Variants in EBF2 observed in about 807,000 individuals in gnomAD.
EBF2 encodes transcription factor COE2.
In EBF2, 21 loss-of-function variants were observed where a neutral mutation model predicts 72.8. The ratio of observed to expected loss-of-function variants is 0.29; its 90% CI spans 0.20 to 0.42. The LOEUF is 0.42. EBF2 is among the 10% of genes least tolerant of loss of function. The pLI is 1.00. For missense variants in EBF2, 637 were observed against 731.2 expected (o/e 0.87, Z 1.49); for synonymous variants, 299 against 274.2 (o/e 1.09, Z -0.89).
chr8:25,931,723 G>C (rs1803483596), intron 6 of EBF2, among the ~76,000 whole-genome samples: 1 of 152,058 alleles, frequency 6.6e-6, no homozygotes, highest in African/African-American at 2.4e-5. Context: ...GGTACAAGGG[G>C]ACTATTTTGC....
At chr8:25,985,156 C>CGTCT (rs1404639026) in intron 6 of EBF2, among the ~76,000 whole-genome samples, 1 of 152,186 alleles carries the variant, frequency 6.6e-6, no homozygotes, top group Non-Finnish European at 1.5e-5. Context: ...AAGCCTCCAA[C>CGTCT]GTCTCAAAGC....
At chr8:25,966,933 C>T (rs999365001) in intron 6 of EBF2, among the ~76,000 whole-genome samples, 4 of 152,218 alleles carry the variant, frequency 2.6e-5, no homozygotes, top group Admixed American at 6.5e-5. Flanking sequence ...ACTAGAGGGC[C>T]TGCCCAGACA....
At chr8:25,987,206 G>A (rs1804475698) in intron 6 of EBF2, among the ~76,000 whole-genome samples, 1 of 152,076 alleles carries the variant, frequency 6.6e-6, no homozygotes, top group African/African-American at 2.4e-5. Context: ...TATATGACTT[G>A]GATAATATGA....
At chr8:25,908,295 C>G (rs992801487) in intron 7 of EBF2, among the ~76,000 whole-genome samples, 179 bp downstream of exon 7, 1 of 152,150 alleles carries the variant, frequency 6.6e-6, no homozygotes, top group African/African-American at 2.4e-5. Context: ...AGCTTAAACA[C>G]TACAAGATGA....
chr8:25,972,523 T>A (rs1804207097), intron 6 of EBF2, among the ~76,000 whole-genome samples: 1 of 152,190 alleles, frequency 6.6e-6, no homozygotes, highest in African/African-American at 2.4e-5. Context: ...ACATAACAGC[T>A]TTTAAGCCTG....
At chr8:25,978,386 G>C (rs985825708) in intron 6 of EBF2, among the ~76,000 whole-genome samples, 1 of 152,192 alleles carries the variant, frequency 6.6e-6, no homozygotes, top group African/African-American at 2.4e-5. Context: ...AGCAATTATA[G>C]TGCTGTTTCC....
At chr8:25,911,155 C>T (rs762729200) in intron 6 of EBF2, among the ~76,000 whole-genome samples, 2 of 152,176 alleles carry the variant, frequency 1.3e-5, no homozygotes, top group Non-Finnish European at 2.9e-5. Context: ...TCCAAATCCC[C>T]TGGGTCTAGA....
intron 6 of EBF2, among the ~76,000 whole-genome samples, chr8:25,966,508 A>G (rs1198316021): frequency 2.0e-5 from 3 of 152,230 alleles, no homozygotes; most frequent in Non-Finnish European, 4.4e-5. Context: ...CTGTAGATGC[A>G]AGAAGGTAAA....
chr8:25,929,452 T>C (rs1309427905), intron 6 of EBF2, among the ~76,000 whole-genome samples: 2 of 152,210 alleles, frequency 1.3e-5, no homozygotes, highest in African/African-American at 4.8e-5. Context: ...GAGCAGACAC[T>C]CGACGAGGCT....
chr8:25,873,925 G>A (rs997859811), intron 10 of EBF2, among the ~76,000 whole-genome samples: 2 of 152,130 alleles, frequency 1.3e-5, no homozygotes, highest in African/African-American at 2.4e-5. Context: ...CTATTCTGGG[G>A]CTAACAACGG....
chr8:25,982,376 G>A (rs534769806), intron 6 of EBF2, among the ~76,000 whole-genome samples: 22 of 152,278 alleles, frequency 1.4e-4, no homozygotes, highest in African/African-American at 5.3e-4. Context: ...GTCAGCTGGA[G>A]TCCACAGCAC....
At chr8:25,910,220 T>C (rs138214965) in intron 6 of EBF2, among the ~76,000 whole-genome samples, 93 of 152,324 alleles carry the variant, frequency 6.1e-4, no homozygotes, top group African/African-American at 2.1e-3. Flanking sequence ...TTTTATTTCT[T>C]GAAGGGTAAA....
intron 14 of EBF2, among the ~76,000 whole-genome samples, chr8:25,856,396 G>A (rs914883937): frequency 1.4e-4 from 22 of 152,090 alleles, no homozygotes; most frequent in African/African-American, 3.9e-4. Context: ...ATTTAAAAAC[G>A]TGGTATTCTG....
chr8:25,926,375 C>A (rs1803386503), intron 6 of EBF2, among the ~76,000 whole-genome samples: 1 of 152,166 alleles, frequency 6.6e-6, no homozygotes, highest in African/African-American at 2.4e-5. Context: ...TCACCCCCAC[C>A]TTTCTAATAA....
chr8:25,934,679 C>T (rs940926051), intron 6 of EBF2, among the ~76,000 whole-genome samples: 3 of 152,192 alleles, frequency 2.0e-5, no homozygotes, highest in Non-Finnish European at 4.4e-5. Context: ...CTGGAGCTCG[C>T]ACGACACTCC....
intron 14 of EBF2, among the ~76,000 whole-genome samples, chr8:25,857,178 G>T (rs1198943547): frequency 6.6e-6 from 1 of 152,062 alleles, no homozygotes. Context: ...TCTTGTCTTT[G>T]CAGTAAGAAG....
At chr8:25,905,790 G>C (rs1033988382) in intron 7 of EBF2, among the ~76,000 whole-genome samples, 2 of 152,128 alleles carry the variant, frequency 1.3e-5, no homozygotes, top group Non-Finnish European at 2.9e-5. Flanking sequence ...AAAACCACTG[G>C]ACCCTGCACT....
intron 10 of EBF2, among the ~76,000 whole-genome samples, chr8:25,864,799 AT>A (rs568818867): frequency 0.057 from 7,853 of 137,922 alleles, 583 homozygotes; most frequent in African/African-American, 0.18. Flanking sequence ...TTTCTCAACT[AT>A]TTTTTTTTTT....
At chr8:25,847,608 C>A (rs1306518055) in intron 15 of EBF2, among the ~76,000 whole-genome samples, 3 of 152,278 alleles carry the variant, frequency 2.0e-5, no homozygotes, top group Middle Eastern at 3.4e-3. Flanking sequence ...CAACAACCAC[C>A]TTTGGGGATA....
Sources: gnomAD v4.1 joint callset for allele counts (sites outside exome capture counted in the v4.1 genomes callset) on GRCh38, gnomAD v4.1.1 for gene constraint, MANE v1.5 for transcripts, NCBI Gene and HGNC (gene_info 2026-07-23, HGNC 2026-07-21) for gene names.